MEIKIN: variants seen among roughly 807,000 people sequenced by gnomAD.
The protein encoded by MEIKIN is meiotic kinetochore factor.
intron 4 of MEIKIN, among the ~76,000 whole-genome samples, chr5:131,934,478 T>C (rs1248911766): frequency 6.6e-6 from 1 of 152,104 alleles, no homozygotes; most frequent in Non-Finnish European, 1.5e-5. Flanking sequence ...AGGATAGTCT[T>C]TTAAACAAAA....
At chr5:131,926,789 G>A (rs148062022) in intron 5 of MEIKIN, among the ~76,000 whole-genome samples, 5 of 152,092 alleles carry the variant, frequency 3.3e-5, no homozygotes, top group Admixed American at 6.5e-5. Flanking sequence ...TTCCTTCTAG[G>A]TTATTCAATT....
chr5:131,808,430 C>A (rs985017162), intron 12 of MEIKIN, among the ~76,000 whole-genome samples: 1 of 152,164 alleles, frequency 6.6e-6, no homozygotes, highest in African/African-American at 2.4e-5. Flanking sequence ...ATACTAGAGA[C>A]CCAAAAGTCA....
At chr5:131,929,466 G>A (rs1376661896) in intron 5 of MEIKIN, among the ~76,000 whole-genome samples, 3 of 152,064 alleles carry the variant, frequency 2.0e-5, no homozygotes, top group African/African-American at 7.2e-5. Flanking sequence ...AGTCTCTTAG[G>A]ATTTCTTCAA....
At chr5:131,808,942 AG>A (rs1772898896) in intron 12 of MEIKIN, among the ~76,000 whole-genome samples, 1 of 152,274 alleles carries the variant, frequency 6.6e-6, no homozygotes, top group Admixed American at 6.5e-5. Flanking sequence ...TAGGCATGGT[AG>A]CACCTGCCTG....
At chr5:131,910,930 C>T (rs189744400) in intron 8 of MEIKIN, among the ~76,000 whole-genome samples, 108 of 152,190 alleles carry the variant, frequency 7.1e-4, no homozygotes, top group Middle Eastern at 3.4e-3. Context: ...TTTGGCAAAA[C>T]CTAGGTAAAA....
At chr5:131,941,175 T>TG (rs1561761386) in intron 4 of MEIKIN, among the ~76,000 whole-genome samples, 1 of 117,790 alleles carries the variant, frequency 8.5e-6, no homozygotes, top group Non-Finnish European at 1.7e-5. Context: ...TTTTTTTTTT[T>TG]GTGACGAAGT....
chr5:131,888,610 G>A (rs1486179406), intron 8 of MEIKIN, among the ~76,000 whole-genome samples: 1 of 151,816 alleles, frequency 6.6e-6, no homozygotes, highest in Non-Finnish European at 1.5e-5. Flanking sequence ...CTGGATATTA[G>A]CCCTTTGTCA....
chr5:131,863,583 T>A (rs1044904774), intron 9 of MEIKIN, among the ~76,000 whole-genome samples: 1 of 109,076 alleles, frequency 9.2e-6, no homozygotes, highest in Non-Finnish European at 2.0e-5. Flanking sequence ...TTTTTTTTTT[T>A]ACTGTTTTTG....
At chr5:131,926,355 T>C (rs1038344368) in intron 5 of MEIKIN, among the ~76,000 whole-genome samples, 1 of 152,234 alleles carries the variant, frequency 6.6e-6, no homozygotes, top group Admixed American at 6.5e-5. Context: ...TTTTTGTATT[T>C]GGAACCATCC....
chr5:131,875,003 A>G (rs1262226683), intron 9 of MEIKIN, among the ~76,000 whole-genome samples: 3 of 151,506 alleles, frequency 2.0e-5, no homozygotes, highest in Admixed American at 1.3e-4. Context: ...TCAAAATAAT[A>G]AGAGCTATCT....
chr5:131,945,618 G>GCAGCCTCA lies in MEIKIN; in HGVS notation c.-121_-114dup. On this transcript the variant is annotated 5_prime_UTR_variant, in exon 1 of 13. Coordinates refer to ENST00000442687, the MANE Select transcript of MEIKIN (RefSeq NM_001303622.2). ...TCAGCGTCCAGGCGAGGCCCGCGGA[G>GCAGCCTCA]CAGCCTCACAGCAACTAATCGAGCG... 1 of 398,076 alleles carries GCAGCCTCA rather than the reference G, an allele frequency of 2.5e-6. No homozygotes were observed. Among genetic ancestry groups the GCAGCCTCA allele is most frequent in the Non-Finnish European group, 4.4e-6 (1 of 225,156 alleles). 24.7% of individuals were successfully genotyped at this position (398,076 alleles called of 1,614,324 possible).
At chr5:131,848,546 A>G (rs908232443) in intron 11 of MEIKIN, among the ~76,000 whole-genome samples, 1 of 152,186 alleles carries the variant, frequency 6.6e-6, no homozygotes, top group Non-Finnish European at 1.5e-5. Context: ...AAAACTCCCA[A>G]CAAGGAAAAG....
At chr5:131,825,609 G>A (rs912812126) in intron 11 of MEIKIN, among the ~76,000 whole-genome samples, 1 of 152,172 alleles carries the variant, frequency 6.6e-6, no homozygotes, top group Non-Finnish European at 1.5e-5. Context: ...GCCCCCAGAG[G>A]TCAAACAGAC....
chr5:131,897,736 ATCAGG>A (rs1751078387), intron 8 of MEIKIN, among the ~76,000 whole-genome samples: 1 of 152,156 alleles, frequency 6.6e-6, no homozygotes, highest in Non-Finnish European at 1.5e-5. Flanking sequence ...TTTCAGCTCC[ATCAGG>A]TCATTTTAGG....
At chr5:131,815,013 G>A (rs950369015) in intron 12 of MEIKIN, among the ~76,000 whole-genome samples, 1 of 152,126 alleles carries the variant, frequency 6.6e-6, no homozygotes, top group South Asian at 2.1e-4. Context: ...TCATGGAAGG[G>A]GTAGCATTTT....
chr5:131,933,405 G>A (rs1276407851), intron 5 of MEIKIN, 108 bp downstream of exon 5: 1 of 383,062 alleles, frequency 2.6e-6, no homozygotes, highest in Non-Finnish European at 4.6e-6. Flanking sequence ...GTGTTGGTGA[G>A]GAAGAGGAGT....
intron 7 of MEIKIN, among the ~76,000 whole-genome samples, chr5:131,914,000 T>G (rs1172636854): frequency 1.3e-5 from 2 of 152,180 alleles, no homozygotes; most frequent in Non-Finnish European, 2.9e-5. Flanking sequence ...CATAAATGGA[T>G]TAAGCCATTC....
intron 9 of MEIKIN, among the ~76,000 whole-genome samples, chr5:131,872,346 C>T (rs956687257): frequency 1.9e-4 from 29 of 151,990 alleles, no homozygotes; most frequent in African/African-American, 4.6e-4. Flanking sequence ...AACTATGTGA[C>T]GAATGCACAA....
At chr5:131,828,419 C>T (rs1400439227) in intron 11 of MEIKIN, among the ~76,000 whole-genome samples, 1 of 152,138 alleles carries the variant, frequency 6.6e-6, no homozygotes, top group African/African-American at 2.4e-5. Context: ...TGCCTTTGAC[C>T]TCCCAAAGTG....
Sources: allele counts gnomAD v4.1 joint callset (sites outside exome capture counted in the v4.1 genomes callset), GRCh38; gene constraint gnomAD v4.1.1; transcripts MANE v1.5; gene names NCBI Gene and HGNC (gene_info 2026-07-23, HGNC 2026-07-21).